CDIN1: variants seen among roughly 807,000 people sequenced by gnomAD.
CDIN1 encodes the protein CDAN1-interacting nuclease 1.
A neutral mutation model predicts 45.3 loss-of-function variants in CDIN1; 33 were observed. The observed-to-expected ratio is 0.73, with a 90% CI of 0.55 to 0.97. The LOEUF is 0.97. Ranked by LOEUF, CDIN1 falls within the 50% of genes least tolerant of loss-of-function variation. The pLI is 0.00. For missense variants in CDIN1, 303 were observed against 339.4 expected, an observed-to-expected ratio of 0.89 and a Z score of 0.84; for synonymous variants, 118 against 124.4, an observed-to-expected ratio of 0.95 and a Z score of 0.34.
intron 3 of CDIN1, among the ~76,000 whole-genome samples, chr15:36,648,425 C>CTCT (rs1206681842): frequency 1.7e-5 from 1 of 58,314 alleles, no homozygotes; most frequent in Non-Finnish European, 3.2e-5. Flanking sequence ...TTCCAATATT[C>CTCT]TATTTTTTTT....
intron 10 of CDIN1, among the ~76,000 whole-genome samples, chr15:36,794,148 T>G (rs2054727535): frequency 6.8e-6 from 1 of 148,108 alleles, no homozygotes; most frequent in Non-Finnish European, 1.5e-5. Flanking sequence ...AAGCTCCGCC[T>G]CCCGGGTTCA....
intron 4 of CDIN1, among the ~76,000 whole-genome samples, chr15:36,655,600 C>T (rs2040752666): frequency 6.6e-6 from 1 of 152,202 alleles, no homozygotes; most frequent in Admixed American, 6.5e-5. Context: ...GCTTGGATTA[C>T]AGGCGTGAGC....
At chr15:36,624,459 G>A (rs1053936837) in intron 1 of CDIN1, among the ~76,000 whole-genome samples, 2 of 152,182 alleles carry the variant, frequency 1.3e-5, no homozygotes, top group Admixed American at 6.5e-5. Flanking sequence ...GTGGGTGGTT[G>A]TAGAATAATT....
At chr15:36,696,301 C>G (rs2042422644) in intron 7 of CDIN1, 1 of 152,238 alleles carries the variant, frequency 6.6e-6, no homozygotes, top group Admixed American at 6.5e-5. Flanking sequence ...CACCCTAATC[C>G]ACAACTCTTT....
At chr15:36,644,456 G>A (rs561787794) in intron 2 of CDIN1, 133 bp downstream of exon 2, 189 of 890,506 alleles carry the variant, frequency 2.1e-4, no homozygotes, top group Admixed American at 5.5e-4. Context: ...ATCAAGCACC[G>A]CCTGCGTCTC....
chr15:36,664,800 C>T (rs113197580), intron 5 of CDIN1, among the ~76,000 whole-genome samples: 5 of 152,220 alleles, frequency 3.3e-5, no homozygotes, highest in Middle Eastern at 3.2e-3. Flanking sequence ...CCCGCCTTGG[C>T]CTCCCAAAGT....
chr15:36,760,041 T>A (rs1449958045), intron 10 of CDIN1, among the ~76,000 whole-genome samples: 1 of 152,200 alleles, frequency 6.6e-6, no homozygotes, highest in Non-Finnish European at 1.5e-5. Context: ...TACTGTAGAG[T>A]ACTTATGTGT....
chr15:36,767,918 A>G (rs547270270), intron 10 of CDIN1, among the ~76,000 whole-genome samples: 84 of 152,182 alleles, frequency 5.5e-4, no homozygotes, highest in Non-Finnish European at 8.2e-4. Flanking sequence ...ATTATTAGGA[A>G]TTTGGAAGCC....
intron 1 of CDIN1, among the ~76,000 whole-genome samples, chr15:36,628,090 T>C (rs2039523416): frequency 6.6e-6 from 1 of 152,160 alleles, no homozygotes; most frequent in South Asian, 2.1e-4. Flanking sequence ...TCCTTTTCTA[T>C]ACAGTTCTGC....
chr15:36,805,866 G>C (rs1036439389), intron 10 of CDIN1, among the ~76,000 whole-genome samples: 9 of 152,128 alleles, frequency 5.9e-5, no homozygotes, highest in Non-Finnish European at 1.2e-4. Flanking sequence ...ACCCTCTAAA[G>C]TCCTTACTGC....
At chr15:36,641,339 T>A (rs2040096886) in intron 1 of CDIN1, 1 of 152,448 alleles carries the variant, frequency 6.6e-6, no homozygotes, top group Non-Finnish European at 1.5e-5. Context: ...CTTTCCATCT[T>A]CCGTCTGCCA....
chr15:36,639,229 C>T (rs576735570), intron 1 of CDIN1, among the ~76,000 whole-genome samples: 2 of 152,138 alleles, frequency 1.3e-5, no homozygotes, highest in African/African-American at 4.8e-5. Flanking sequence ...TCCACATTGG[C>T]ATATTCAGCT....
chr15:36,740,421 G>A (rs374092852), intron 10 of CDIN1, among the ~76,000 whole-genome samples: 2 of 152,198 alleles, frequency 1.3e-5, no homozygotes, highest in African/African-American at 4.8e-5. Context: ...CCTTAGATCC[G>A]AGATTATGCA....
rs192228813 is a variant in CDIN1 at position 36,592,009 on chromosome 15, A to G, written c.101+12048A>G. On this transcript the variant is annotated intron_variant, in intron 1 of 10. Coordinates refer to ENST00000566621, the MANE Select transcript of CDIN1 (RefSeq NM_001321759.2). ...AGTGGCCACTTTATGCCAGCCATCC[A>G]GTGCCATGCAGGAATGTGGGCCTGG... 8 of 152,334 alleles carry G rather than the reference A, an allele frequency of 5.3e-5. No individual in the cohort carries two copies. In the East Asian group the frequency reaches 1.5e-3, roughly 29 times the overall value. The allele number at this position is 152,334 out of a possible 1,614,324, so 9.4% of individuals were successfully genotyped here.
chr15:36,611,530 G>A (rs2038649719), intron 1 of CDIN1, among the ~76,000 whole-genome samples: 1 of 152,184 alleles, frequency 6.6e-6, no homozygotes, highest in Non-Finnish European at 1.5e-5. Flanking sequence ...ATTATCATGG[G>A]TTGGTTGAGT....
At position 36,691,714 on chromosome 15, in the gene CDIN1, C is replaced by T. The variant is rs749361001; in HGVS notation, c.376C>T (p.Arg126Trp). 2.2e-5 allele frequency: 36 copies of T among 1,602,626 alleles called. No homozygotes were observed. Among genetic ancestry groups the T allele is most frequent in the Middle Eastern group, 1.7e-4 (1 of 6,044 alleles). ...CAAGTCTATTATAAATAGTATGCTA[C>T]GGGACCCTTCTCAGATTCCAGATGG... ...PSKSIINSML[R>W]DPSQIPDGVL... The change falls in exon 6 of 11, where the codon CGG (arginine) becomes TGG (tryptophan). Residue 126 changes from arginine (R) to tryptophan (W), a missense_variant. Coordinates refer to ENST00000566621, the MANE Select transcript of CDIN1 (RefSeq NM_001321759.2).
At chr15:36,592,812 A>G (rs544534933) in intron 1 of CDIN1, among the ~76,000 whole-genome samples, 2 of 152,236 alleles carry the variant, frequency 1.3e-5, no homozygotes, top group Admixed American at 6.5e-5. Flanking sequence ...AATCCTTTTT[A>G]AAATTGATTA....
chr15:36,595,483 T>C (rs551242099), intron 1 of CDIN1, among the ~76,000 whole-genome samples: 2 of 152,238 alleles, frequency 1.3e-5, no homozygotes, highest in Non-Finnish European at 2.9e-5. Flanking sequence ...TACACCTTAG[T>C]GAACATCAGG....
intron 5 of CDIN1, among the ~76,000 whole-genome samples, chr15:36,686,571 A>G (rs1309386869): frequency 2.0e-5 from 3 of 151,358 alleles, no homozygotes; most frequent in African/African-American, 4.8e-5. Context: ...ATAAAAAAAA[A>G]AAAAAAGAAA....
Sources: gnomAD v4.1 joint callset for allele counts (sites outside exome capture counted in the v4.1 genomes callset) on GRCh38, gnomAD v4.1.1 for gene constraint, MANE v1.5 for transcripts, NCBI Gene and HGNC (gene_info 2026-07-23, HGNC 2026-07-21) for gene names.